XCR1: variants seen among roughly 807,000 people sequenced by gnomAD.
The protein encoded by XCR1 is X-C motif chemokine receptor 1.
For synonymous variants in XCR1, 187 were observed against 188.5 expected, an observed-to-expected ratio of 0.99 and a Z score of 0.06; for missense variants, 356 against 424.2, an observed-to-expected ratio of 0.84 and a Z score of 1.41.
At chr3:46,024,204 G>C in intron 1 of XCR1, 1 of 267,754 alleles carries the variant, frequency 3.7e-6, no homozygotes, top group Non-Finnish European at 6.8e-6. Context: ...TACAGTAATA[G>C]TTAATCCAGC....
At chr3:46,031,593 G>C (rs1708396282), upstream of XCR1, among the ~76,000 whole-genome samples, 1 of 152,224 alleles carries the variant, frequency 6.6e-6, no homozygotes, top group South Asian at 2.1e-4. Context: ...AACAGTGGTG[G>C]GTGGTGAACA....
chr3:46,075,139 A>G (rs1489459875), intron 2 of XCR1, among the ~76,000 whole-genome samples: 1 of 152,092 alleles, frequency 6.6e-6, no homozygotes, highest in East Asian at 1.9e-4. Flanking sequence ...AATATGTGAT[A>G]TTGGCAGAGG....
intron 1 of XCR1, chr3:46,023,282 G>A: frequency 2.6e-6 from 2 of 758,958 alleles, no homozygotes; most frequent in Admixed American, 4.6e-5. Context: ...CCCTTCCTAA[G>A]GCTGCTGCTG....
chr3:46,022,374 C>A (rs1708175137), intron 1 of XCR1: 1 of 162,232 alleles, frequency 6.2e-6, no homozygotes, highest in Non-Finnish European at 1.4e-5. Flanking sequence ...AGAGAAAAGA[C>A]CTGGAATGGG....
chr3:46,059,041 C>G (rs1005797167), intron 4 of XCR1, among the ~76,000 whole-genome samples: 24 of 152,194 alleles, frequency 1.6e-4, no homozygotes, highest in South Asian at 2.1e-4. Context: ...CCCACTAAAT[C>G]CTAAGGTGGG....
At chr3:46,069,165 A>G (rs1022765292) in intron 3 of XCR1, among the ~76,000 whole-genome samples, 5 of 152,176 alleles carry the variant, frequency 3.3e-5, no homozygotes, top group Admixed American at 1.3e-4. Flanking sequence ...AAAATGTCTC[A>G]CATAAATAAT....
At chr3:46,039,236 A>T (rs571192714) in intron 5 of XCR1, among the ~76,000 whole-genome samples, 2 of 152,288 alleles carry the variant, frequency 1.3e-5, no homozygotes, top group Admixed American at 6.5e-5. Context: ...GTTGTACGGT[A>T]TTTAAGTGAA....
intron 1 of XCR1, among the ~76,000 whole-genome samples, chr3:46,082,216 A>G (rs1202291324): frequency 2.0e-5 from 3 of 152,170 alleles, no homozygotes; most frequent in Admixed American, 2.0e-4. Context: ...TTCACCCAAG[A>G]TACCAGACCA....
intron 5 of XCR1, among the ~76,000 whole-genome samples, chr3:46,053,588 C>T (rs61254379): frequency 0.19 from 28,258 of 151,874 alleles, 2,816 homozygotes; most frequent in Middle Eastern, 0.32. Context: ...AAGTACAGTA[C>T]GAACTAAACT....
At chr3:46,060,220 C>A (rs1217627155) in intron 4 of XCR1, among the ~76,000 whole-genome samples, 2 of 152,136 alleles carry the variant, frequency 1.3e-5, no homozygotes, top group African/African-American at 4.8e-5. Context: ...TGACTTATTC[C>A]TTTTGCCCTC....
At chr3:46,069,355 C>T (rs1175883991) in intron 3 of XCR1, among the ~76,000 whole-genome samples, 1 of 151,882 alleles carries the variant, frequency 6.6e-6, no homozygotes, top group East Asian at 1.9e-4. Flanking sequence ...AAAGACCCAC[C>T]AAATAAAAAA....
intron 5 of XCR1, among the ~76,000 whole-genome samples, chr3:46,048,098 G>A (rs970083481): frequency 2.6e-5 from 4 of 152,268 alleles, no homozygotes; most frequent in Admixed American, 6.5e-5. Flanking sequence ...GCTGAGTGAC[G>A]TTTTTGTGGT....
chr3:46,058,802 G>C (rs2133663), intron 4 of XCR1, among the ~76,000 whole-genome samples: 107,123 of 152,002 alleles, frequency 0.7, 38,562 homozygotes, highest in East Asian at 0.94. Context: ...TGAGGTCAAG[G>C]GATCCACCCA....
intron 4 of XCR1, among the ~76,000 whole-genome samples, chr3:46,055,817 C>T (rs112644254): frequency 1.4e-4 from 21 of 152,186 alleles, no homozygotes; most frequent in Non-Finnish European, 2.8e-4. Flanking sequence ...GGAGCCACCA[C>T]CACTCTGCCA....
At chr3:46,082,286 C>T (rs751000320) in intron 1 of XCR1, among the ~76,000 whole-genome samples, 1 of 152,042 alleles carries the variant, frequency 6.6e-6, no homozygotes, top group Non-Finnish European at 1.5e-5. Context: ...TATTTGCTCT[C>T]CTTTTTCTAT....
intron 3 of XCR1, among the ~76,000 whole-genome samples, chr3:46,069,589 A>G (rs9877748): frequency 0.21 from 32,323 of 152,110 alleles, 5,171 homozygotes; most frequent in African/African-American, 0.44. Context: ...AAGCTTTACC[A>G]TAACATAAAT....
upstream of XCR1, among the ~76,000 whole-genome samples, chr3:46,029,249 T>C (rs965661683): frequency 6.6e-6 from 1 of 152,168 alleles, no homozygotes; most frequent in Non-Finnish European, 1.5e-5. Context: ...TGTTGCCCCG[T>C]CTGGAGTGTA....
At chr3:46,044,023 T>C (rs1445730971) in intron 5 of XCR1, among the ~76,000 whole-genome samples, 1 of 151,952 alleles carries the variant, frequency 6.6e-6, no homozygotes, top group Non-Finnish European at 1.5e-5. Flanking sequence ...TGAGACAGAG[T>C]CTTGCTCTGT....
intron 1 of XCR1, chr3:46,022,246 A>G (rs925433270): frequency 6.3e-6 from 2 of 316,104 alleles, no homozygotes; most frequent in African/African-American, 4.2e-5. Context: ...GCGAGACTGC[A>G]GAGAGCTGTG....
Sources: gnomAD v4.1 joint callset for allele counts (sites outside exome capture counted in the v4.1 genomes callset) on GRCh38, gnomAD v4.1.1 for gene constraint, MANE v1.5 for transcripts, NCBI Gene and HGNC (gene_info 2026-07-23, HGNC 2026-07-21) for gene names.